CMTM8: variants seen among roughly 807,000 people sequenced by gnomAD.
CMTM8 encodes the protein CKLF-like MARVEL transmembrane domain-containing protein 8.
Under a neutral mutation model 18.6 loss-of-function variants are expected in CMTM8, and 12 were observed. That is an observed-to-expected ratio of 0.65 (90% CI 0.41 to 1.05). The LOEUF (loss-of-function observed/expected upper bound fraction) is 1.05, where lower values mean the gene tolerates loss of function less well. Ranked by LOEUF, CMTM8 falls within the 50% of genes least tolerant of loss-of-function variation. The probability of loss-of-function intolerance (pLI) is 0.00; values close to 1 mark genes in which losing one functional copy is unlikely to be tolerated. For synonymous variants in CMTM8, 87 were observed against 90.6 expected (o/e 0.96, Z 0.23); for missense variants, 217 against 227.2 (o/e 0.95, Z 0.29).
chr3:32,300,891 C>T (rs1183619063), intron 1 of CMTM8, among the ~76,000 whole-genome samples: 6 of 149,976 alleles, frequency 4.0e-5, no homozygotes, highest in Non-Finnish European at 7.4e-5. Flanking sequence ...ACCTGGGAGG[C>T]GGAGGTTGTG....
At chr3:32,289,863 G>A (rs1166001586) in intron 1 of CMTM8, among the ~76,000 whole-genome samples, 1 of 152,214 alleles carries the variant, frequency 6.6e-6, no homozygotes, top group East Asian at 1.9e-4. Flanking sequence ...AGTCATGATG[G>A]TGCACACCTG....
chr3:32,298,925 A>G (rs1695545549), intron 1 of CMTM8, among the ~76,000 whole-genome samples: 1 of 129,636 alleles, frequency 7.7e-6, no homozygotes, highest in Non-Finnish European at 1.6e-5. Context: ...ACACACACAC[A>G]TATATATATA....
chr3:32,359,482 C>T (rs981322906), intron 2 of CMTM8, among the ~76,000 whole-genome samples: 1 of 152,090 alleles, frequency 6.6e-6, no homozygotes, highest in Non-Finnish European at 1.5e-5. Context: ...CCCAGCTACT[C>T]GGGAGGCTGA....
chr3:32,360,894 T>A (rs1235964654), intron 2 of CMTM8, among the ~76,000 whole-genome samples: 9 of 152,254 alleles, frequency 5.9e-5, no homozygotes, highest in Non-Finnish European at 1.3e-4. Flanking sequence ...TTCTTAGGCA[T>A]CTAAAATGTG....
intron 1 of CMTM8, among the ~76,000 whole-genome samples, chr3:32,304,300 T>G (rs1293720120): frequency 3.3e-5 from 5 of 152,206 alleles, no homozygotes; most frequent in Admixed American, 3.3e-4. Context: ...GGGTGTCCTA[T>G]TCTGAGACAA....
chr3:32,270,726 G>C (rs1023274088), intron 1 of CMTM8, among the ~76,000 whole-genome samples: 2 of 152,120 alleles, frequency 1.3e-5, no homozygotes, highest in Admixed American at 6.6e-5. Flanking sequence ...GTTGTGGGGT[G>C]GGGGGAGCGG....
intron 1 of CMTM8, among the ~76,000 whole-genome samples, chr3:32,291,908 T>C (rs1702785269): frequency 6.6e-6 from 1 of 152,204 alleles, no homozygotes; most frequent in Admixed American, 6.5e-5. Flanking sequence ...GTGACTAGTT[T>C]CATGGCCTGT....
chr3:32,300,748 C>T lies in CMTM8; in HGVS notation c.148-56625C>T, dbSNP rs181355310. Among the ~76,000 whole-genome samples the T allele has an allele frequency of 2.0e-5, 3 of 152,096 alleles. No homozygotes were observed. The East Asian group carries it at 5.8e-4, about 29-fold the overall frequency. On this transcript the variant is annotated intron_variant, in intron 1 of 3. Transcript: ENST00000307526. Reference sequence around the variant, plus strand: ...CTGAGGTGGGTGGATCACCTGAGGTCGGGAGTTCAAGACCAGCCTGACCAA... The same window carrying T: ...CTGAGGTGGGTGGATCACCTGAGGTTGGGAGTTCAAGACCAGCCTGACCAA...
chr3:32,299,143 T>G (rs540684832), intron 1 of CMTM8, among the ~76,000 whole-genome samples: 76 of 151,950 alleles, frequency 5.0e-4, no homozygotes, highest in Non-Finnish European at 8.4e-4. Flanking sequence ...CCTGACGTAT[T>G]TTCATAGAAA....
intron 1 of CMTM8, among the ~76,000 whole-genome samples, chr3:32,335,985 G>A (rs545906045): frequency 3.2e-4 from 48 of 152,312 alleles, no homozygotes; most frequent in African/African-American, 1.1e-3. Flanking sequence ...TGACCAAGTG[G>A]GAGAGGCCCT....
At chr3:32,259,889 G>T (rs555417145) in intron 1 of CMTM8, 3 of 941,212 alleles carry the variant, frequency 3.2e-6, no homozygotes, top group Non-Finnish European at 5.1e-6. Context: ...AAATGTGAAG[G>T]CCAGCCTGGA....
chr3:32,303,662 G>T (rs922493963), intron 1 of CMTM8, among the ~76,000 whole-genome samples: 3 of 150,864 alleles, frequency 2.0e-5, no homozygotes, highest in Admixed American at 6.6e-5. Flanking sequence ...TTTCAAATCT[G>T]CAGGAAAGTA....
chr3:32,335,425 C>T (rs1227873471), intron 1 of CMTM8, among the ~76,000 whole-genome samples: 1 of 152,136 alleles, frequency 6.6e-6, no homozygotes, highest in Non-Finnish European at 1.5e-5. Flanking sequence ...CATCTCCGGT[C>T]GGAAGCAGAC....
At chr3:32,367,294 G>A (rs946848689) in intron 2 of CMTM8, among the ~76,000 whole-genome samples, 9 of 152,204 alleles carry the variant, frequency 5.9e-5, no homozygotes, top group Non-Finnish European at 1.2e-4. Context: ...TCTAAAAATA[G>A]GAACAAATAA....
At chr3:32,286,200 G>A (rs989877381) in intron 1 of CMTM8, among the ~76,000 whole-genome samples, 9 of 152,006 alleles carry the variant, frequency 5.9e-5, no homozygotes, top group Admixed American at 2.0e-4. Context: ...AGAGACAATC[G>A]GTACATGAAT....
At chr3:32,255,619 C>T (rs1001350239) in intron 1 of CMTM8, among the ~76,000 whole-genome samples, 8 of 152,120 alleles carry the variant, frequency 5.3e-5, no homozygotes, top group Non-Finnish European at 8.8e-5. Flanking sequence ...CTTTTTGAGT[C>T]ATTGCACATC....
intron 1 of CMTM8, among the ~76,000 whole-genome samples, chr3:32,281,799 G>A (rs983878260): frequency 1.3e-5 from 2 of 151,886 alleles, no homozygotes; most frequent in Non-Finnish European, 2.9e-5. Flanking sequence ...TGAGCCTGAA[G>A]GCCACATTGA....
intron 2 of CMTM8, among the ~76,000 whole-genome samples, chr3:32,361,848 T>A (rs1381212216): frequency 6.6e-6 from 1 of 152,064 alleles, no homozygotes; most frequent in Non-Finnish European, 1.5e-5. Context: ...TTCCAACAAA[T>A]CTGATTTAAG....
intron 1 of CMTM8, among the ~76,000 whole-genome samples, chr3:32,331,202 G>A (rs1696267336): frequency 1.3e-5 from 2 of 152,118 alleles, no homozygotes; most frequent in South Asian, 4.1e-4. Flanking sequence ...ATGCCAACAA[G>A]CATATGGTAA....
Sources: gnomAD v4.1 joint callset for allele counts (sites outside exome capture counted in the v4.1 genomes callset) on GRCh38, gnomAD v4.1.1 for gene constraint, MANE v1.5 for transcripts, NCBI Gene and HGNC (gene_info 2026-07-23, HGNC 2026-07-21) for gene names.